The following SLC25A10 variants were observed in gnomAD, a reference collection of about 807,000 sequenced individuals.
SLC25A10 encodes the protein mitochondrial dicarboxylate carrier.
Under a neutral mutation model 40.4 loss-of-function variants are expected in SLC25A10, and 32 were observed. The ratio of observed to expected loss-of-function variants is 0.79; its 90% CI spans 0.60 to 1.06. The LOEUF is 1.06. Among genes scored for constraint, SLC25A10 ranks in the 50% least tolerant of loss-of-function variants. SLC25A10 has a pLI of 0.00. For missense variants in SLC25A10, 394 were observed against 402.6 expected, an observed-to-expected ratio of 0.98 and a Z score of 0.18; for synonymous variants, 181 against 171.1, an observed-to-expected ratio of 1.06 and a Z score of -0.45.
At chr17:81,717,986 C>A in intron 9 of SLC25A10, 125 bp downstream of exon 9, 1 of 701,602 alleles carries the variant, frequency 1.4e-6, no homozygotes, top group South Asian at 1.6e-5. Context: ...TTGCCTGTCT[C>A]TGCACAGCAC....
chr17:81,712,493 T>C lies in SLC25A10; in HGVS notation c.67T>C (p.Cys23Arg). 1 of 1,302,962 alleles carries C rather than the reference T, an allele frequency of 7.7e-7. No individual in the cohort carries two copies. Among genetic ancestry groups the C allele is most frequent in the Non-Finnish European group, 9.7e-7 (1 of 1,028,026 alleles). 80.7% of individuals were successfully genotyped at this position (1,302,962 alleles called of 1,614,324 possible). Residue 23 changes from cysteine to arginine, a missense_variant, in exon 1 of 11, where the codon TGC (cysteine) becomes CGC (arginine). Coordinates refer to ENST00000350690, the MANE Select transcript of SLC25A10 (RefSeq NM_012140.5). ...GGLASCGAAC[C>R]THPLDLLKVH... ...GCTGGCCTCCTGCGGGGCCGCCTGCTGCACGCACCCGCTGGACCTGCTCAA... is the reference window on the plus strand; with the variant it reads ...GCTGGCCTCCTGCGGGGCCGCCTGCCGCACGCACCCGCTGGACCTGCTCAA...
In SLC25A10 at chr17:81,716,602, C is replaced by T. The variant is rs190583551; in HGVS notation, c.420-210C>T. Reference sequence around the variant, plus strand: ...GCCCAGCCAGGGACTCTGTTGGAAACGATGGAACCTCCTCCCTGAGGGCCG... The same window carrying T: ...GCCCAGCCAGGGACTCTGTTGGAAATGATGGAACCTCCTCCCTGAGGGCCG... On this transcript the variant is annotated intron_variant, in intron 5 of 10. Transcript: ENST00000350690. 243 of 600,372 alleles carry T rather than the reference C, an allele frequency of 4.0e-4. 3 individuals carry two copies. The highest frequency in any genetic ancestry group is 2.4e-3 in the African/African-American group (132 of 53,930). 37.2% of individuals were successfully genotyped at this position (600,372 alleles called of 1,614,324 possible).
At chr17:81,719,761 TG>T in intron 9 of SLC25A10, 69 bp from the exon 10 acceptor site, 1 of 1,588,226 alleles carries the variant, frequency 6.3e-7, no homozygotes, top group Non-Finnish European at 8.6e-7. Flanking sequence ...GGCTGGTGCC[TG>T]GGAGGGGATT....
intron 1 of SLC25A10, 94 bp from the exon 2 acceptor site, chr17:81,714,859 T>C: frequency 6.5e-7 from 1 of 1,533,554 alleles, no homozygotes; most frequent in Non-Finnish European, 8.8e-7. Context: ...GGAGGCCTTA[T>C]CACTGCCTCC....
intron 9 of SLC25A10, among the ~76,000 whole-genome samples, chr17:81,718,308 AC>A (rs1333868951): frequency 6.6e-6 from 1 of 151,878 alleles, no homozygotes; most frequent in Non-Finnish European, 1.5e-5. Flanking sequence ...ACATGGTGAA[AC>A]CCCCTCTCTA....
intron 1 of SLC25A10, among the ~76,000 whole-genome samples, chr17:81,712,830 C>T (rs1039301648): frequency 2.3e-4 from 35 of 152,372 alleles, no homozygotes; most frequent in African/African-American, 6.7e-4. Context: ...AGTCACTTGG[C>T]CTCTCTGAGC....
chr17:81,718,462 G>T (rs953248318), intron 9 of SLC25A10, among the ~76,000 whole-genome samples: 3 of 151,400 alleles, frequency 2.0e-5, no homozygotes, highest in African/African-American at 7.3e-5. Flanking sequence ...CCCAGCCTGG[G>T]CCACAAGAGT....
chr17:81,718,915 C>T (rs1449818358), intron 9 of SLC25A10, among the ~76,000 whole-genome samples: 2 of 151,160 alleles, frequency 1.3e-5, no homozygotes, highest in Non-Finnish European at 1.5e-5. Flanking sequence ...CACCACTGCA[C>T]TCCAGCCTGG....
In SLC25A10 at chr17:81,712,417, C is replaced by T. The variant is rs2037399281; in HGVS notation, c.-10C>T. On this transcript the variant is annotated 5_prime_UTR_variant, in exon 1 of 11. Transcript: ENST00000350690. Reference sequence around the variant, plus strand: ...GTTGTGGTCGGGCCGGGATTGGGCTCTCCTGGGCCATGGCAGCCGAGGCGC... The same window carrying T: ...GTTGTGGTCGGGCCGGGATTGGGCTTTCCTGGGCCATGGCAGCCGAGGCGC... 6.2e-6 allele frequency: 8 copies of T among 1,298,354 alleles called. No homozygotes were observed. The highest frequency in any genetic ancestry group is 2.8e-4 in the Middle Eastern group (1 of 3,514). The allele number at this position is 1,298,354 out of a possible 1,614,324, so 80.4% of individuals were successfully genotyped here.
intron 7 of SLC25A10, 42 bp from the exon 8 acceptor site, chr17:81,717,356 TG>T: frequency 6.3e-7 from 1 of 1,594,982 alleles, no homozygotes; most frequent in Non-Finnish European, 8.6e-7. Flanking sequence ...TTCCCCAAGC[TG>T]GGGTCCCCCC....
At chr17:81,717,712 G>GGC (rs775867901) in intron 8 of SLC25A10, 72 bp from the exon 9 acceptor site, 454 of 1,538,204 alleles carry the variant, frequency 3.0e-4, no homozygotes, top group Non-Finnish European at 3.8e-4. Context: ...TGGAGGTTCT[G>GGC]GCACGTGGGT....
chr17:81,718,377 C>T (rs1178459175), intron 9 of SLC25A10, among the ~76,000 whole-genome samples: 9 of 151,760 alleles, frequency 5.9e-5, no homozygotes, highest in African/African-American at 1.5e-4. Context: ...CCCAGCTACT[C>T]GGGAGGCTGA....
chr17:81,713,666 G>A (rs2037425736), intron 1 of SLC25A10, among the ~76,000 whole-genome samples: 1 of 152,182 alleles, frequency 6.6e-6, no homozygotes, highest in African/African-American at 2.4e-5. Flanking sequence ...CCTTGGCATC[G>A]GGCTCTTCCT....
rs372600097 is a variant in SLC25A10 at position 81,715,442 on chromosome 17, G to A, written c.214-36G>A. 382 of 1,560,174 alleles carry A rather than the reference G, an allele frequency of 2.4e-4. No individual in the cohort carries two copies. The South Asian group carries it at 2.8e-3, about 11-fold the overall frequency. The stretch of plus-strand genomic sequence containing the variant: ...GTGGCGAGGCTGAGGGGTGTGGGGC[G>A]TGCCCGTCCCTCCAAGCCAGGCCCT... On this transcript the variant is annotated intron_variant, in intron 2 of 10. Coordinates refer to ENST00000350690, the MANE Select transcript of SLC25A10 (RefSeq NM_012140.5).
Position 81,715,586 on chromosome 17 carries a change from G to T in SLC25A10, c.322G>T (p.Val108Phe). Residue 108 changes from valine to phenylalanine, a missense_variant, in exon 3 of 11, where the codon GTC becomes TTC. Coordinates refer to ENST00000350690, the MANE Select transcript of SLC25A10 (RefSeq NM_012140.5). ...PFHEKVLLGS[V>F]SGLAGGFVGT... ...CCACGAGAAGGTGTTGCTGGGCTCC[G>T]TCAGCGGTGAGCTGCCGGGCGGGAG... 2 of 1,612,620 alleles carry T rather than the reference G, an allele frequency of 1.2e-6. No homozygotes were observed. Among genetic ancestry groups the T allele is most frequent in the South Asian group, 2.2e-5 (2 of 91,068 alleles).
intron 2 of SLC25A10, 112 bp from the exon 3 acceptor site, chr17:81,715,366 C>T (rs2037463193): frequency 2.0e-6 from 2 of 983,954 alleles, no homozygotes; most frequent in Non-Finnish European, 3.1e-6. Context: ...GGGAAGGCCC[C>T]TCAGGGTCCC....
Position 81,720,531 on chromosome 17 carries a change from G to A in SLC25A10, c.*454G>A. 7.7e-7 allele frequency: 1 copy of A among 1,291,940 alleles called. No individual in the cohort carries two copies. 80.0% of individuals were successfully genotyped at this position (1,291,940 alleles called of 1,614,324 possible). On this transcript the variant is annotated 3_prime_UTR_variant, in exon 11 of 11. Coordinates refer to ENST00000350690, the MANE Select transcript of SLC25A10 (RefSeq NM_012140.5). ...CCCAAGTGCTAGCTCTGCACTTCGTGTCTGCTGAGAGCAACCAGACCTTCC... is the reference window on the plus strand; with the variant it reads ...CCCAAGTGCTAGCTCTGCACTTCGTATCTGCTGAGAGCAACCAGACCTTCC...
chr17:81,716,061 G>T lies in SLC25A10; in HGVS notation c.419+11G>T, dbSNP rs200001946. 6.3e-7 allele frequency: 1 copy of T among 1,594,324 alleles called. No homozygotes were observed. Among genetic ancestry groups the T allele is most frequent in the Non-Finnish European group, 8.5e-7 (1 of 1,170,314 alleles). ...GGGTCAGCGGCGCAAGTGAGTCATG[G>T]GCGGCCTTCTCGGGGTGGTTGAGGT... On this transcript the variant is annotated intron_variant, in intron 5 of 10. Transcript: ENST00000350690.
Position 81,715,029 on chromosome 17 carries a change from TCCTGGCACTCTACAGCGG to T in SLC25A10, c.175_192del (p.Ala59_Leu64del). 1 of 1,610,312 alleles carries T rather than the reference TCCTGGCACTCTACAGCGG, an allele frequency of 6.2e-7. No homozygotes were observed. The highest frequency in any genetic ancestry group is 8.5e-7 in the Non-Finnish European group (1 of 1,179,916). On this transcript the variant is annotated inframe_deletion, in exon 2 of 11. Transcript: ENST00000350690. ...CTGCGGGTGGTGCGTACCGACGGCA[TCCTGGCACTCTACAGCGG>T]CCTGAGCGCCTCGCTGTGCAGACAG...
Sources: gnomAD v4.1 joint callset for allele counts (sites outside exome capture counted in the v4.1 genomes callset) on GRCh38, gnomAD v4.1.1 for gene constraint, MANE v1.5 for transcripts, NCBI Gene and HGNC (gene_info 2026-07-23, HGNC 2026-07-21) for gene names.